MT1B: variants seen among roughly 807,000 people sequenced by gnomAD.
MT1B encodes metallothionein 1B, also known as metallothionein-1B.
A neutral mutation model predicts 7.9 loss-of-function variants in MT1B; 4 were observed. The observed-to-expected ratio is 0.51, with a 90% CI of 0.25 to 1.16. The LOEUF is 1.16. Ranked by LOEUF, MT1B falls within the 50% of genes most tolerant of loss-of-function variation. The pLI, the probability that MT1B is intolerant of heterozygous loss-of-function variation, is 0.15. For synonymous variants in MT1B, 22 were observed against 27.6 expected, an observed-to-expected ratio of 0.80 and a Z score of 0.63; for missense variants, 76 against 75.2, an observed-to-expected ratio of 1.01 and a Z score of -0.04.
chr16:56,652,711 G>T, intron 2 of MT1B, 75 bp downstream of exon 2: 1 of 1,560,270 alleles, frequency 6.4e-7, no homozygotes, highest in Non-Finnish European at 8.8e-7. Context: ...GGCCCTGAGT[G>T]CATGCTTTTG....
chr16:56,652,249 C>G (rs1960563112), intron 1 of MT1B, among the ~76,000 whole-genome samples: 1 of 152,234 alleles, frequency 6.6e-6, no homozygotes, highest in Non-Finnish European at 1.5e-5. Context: ...GTGCTCTGCT[C>G]TAACTCTGAG....
rs760953860 is a variant in MT1B, at chr16:56,653,034, G to T, written c.155G>T (p.Gly52Val). The T allele has an allele frequency of 2.8e-5, 45 of 1,613,880 alleles. No homozygotes were observed. In the East Asian group the frequency reaches 9.1e-4, roughly 33 times the overall value. ...TGTGCCCAGGGCTGTGTCTGCAAAG[G>T]CTCATCAGAGAAGTGCCGCTGCTGT... ...AKCAQGCVCK[G>V]SSEKCRCCA The change falls in exon 3 of 3, where the codon GGC becomes GTC. Residue 52 changes from glycine (G) to valine (V), a missense_variant. Physicochemically the swap from Gly to Val is moderately radical, Grantham distance 109 (BLOSUM62 -3). Transcript: ENST00000334346.
chr16:56,653,012 G>C lies in MT1B; in HGVS notation c.133G>C (p.Ala45Pro), dbSNP rs1960575144. ...SCCPVGCAKCAQGCVCKGSSE... is the reference protein window; with the variant it reads ...SCCPVGCAKCPQGCVCKGSSE... ...CTGCCCCGTGGGCTGTGCCAAGTGTGCCCAGGGCTGTGTCTGCAAAGGCTC... is the reference window on the plus strand; with the variant it reads ...CTGCCCCGTGGGCTGTGCCAAGTGTCCCCAGGGCTGTGTCTGCAAAGGCTC... The change falls in exon 3 of 3, where the codon GCC becomes CCC. Residue 45 changes from alanine to proline, a missense_variant. By Grantham distance (27) the Ala-to-Pro change is conservative. Coordinates refer to ENST00000334346, the MANE Select transcript of MT1B (RefSeq NM_005947.3). 6.2e-7 allele frequency: 1 copy of C among 1,613,628 alleles called. No individual in the cohort carries two copies. The highest frequency in any genetic ancestry group is 8.5e-7 in the Non-Finnish European group (1 of 1,179,978).
chr16:56,652,713 A>G, intron 2 of MT1B, 77 bp downstream of exon 2: 1 of 1,555,464 alleles, frequency 6.4e-7, no homozygotes, highest in Non-Finnish European at 8.9e-7. Flanking sequence ...CCCTGAGTGC[A>G]TGCTTTTGGG....
At position 56,652,761 on chromosome 16, in the gene MT1B, C is replaced by T. The variant is rs569120648; in HGVS notation, c.94+125C>T. On this transcript the variant is annotated intron_variant, in intron 2 of 2. Coordinates refer to ENST00000334346, the MANE Select transcript of MT1B (RefSeq NM_005947.3). The stretch of plus-strand genomic sequence containing the variant: ...TTTGCCCCTGTTGGCTGTGTCATTC[C>T]CTCTCCAGGCTTTCTGCTCTGAGCT... 54 of 1,304,906 alleles carry T rather than the reference C, an allele frequency of 4.1e-5. No individual in the cohort carries two copies. In the African/African-American group the frequency reaches 6.8e-4, roughly 16 times the overall value. 80.8% of individuals were successfully genotyped at this position (1,304,906 alleles called of 1,614,324 possible).
intron 2 of MT1B, 52 bp from the exon 3 acceptor site, chr16:56,652,922 G>C: frequency 6.3e-7 from 1 of 1,586,406 alleles, no homozygotes; most frequent in Non-Finnish European, 8.6e-7. Context: ...TTGGGACAGA[G>C]AGGTTCCTGG....
Position 56,651,960 on chromosome 16 carries a change from C to T in MT1B, c.7C>T (p.Pro3Ser), listed in dbSNP as rs1484885839. 2 of 1,614,248 alleles carry T rather than the reference C, an allele frequency of 1.2e-6. No homozygotes were observed. ...AGGCTTGTCTTGGCTCCAAATGGAT[C>T]CCAACTGCTCCTGCACCACAGGTAA... is the stretch of plus-strand genomic sequence containing the variant. MD[P>S]NCSCTTGGSC... The change falls in exon 1 of 3, where the codon CCC becomes TCC. Residue 3 changes from proline to serine, a missense_variant. Transcript: ENST00000334346.
At chr16:56,652,679 G>A (rs768896498) in intron 2 of MT1B, 43 bp downstream of exon 2, 1 of 1,609,778 alleles carries the variant, frequency 6.2e-7, no homozygotes, top group Admixed American at 1.7e-5. Flanking sequence ...CTGTGGCTAA[G>A]CTTGGAAGGG....
At position 56,653,107 on chromosome 16, in the gene MT1B, G is replaced by A; in HGVS notation, c.*42G>A. On this transcript the variant is annotated 3_prime_UTR_variant, in exon 3 of 3. Transcript: ENST00000334346. ...CTCCCAGACATAAATAGAGCAACCAGTACTAACCTGGATTTTTTTTTTTAA... is the reference window on the plus strand; with the variant it reads ...CTCCCAGACATAAATAGAGCAACCAATACTAACCTGGATTTTTTTTTTTAA... The A allele has an allele frequency of 6.3e-7, 1 of 1,590,806 alleles. No individual in the cohort carries two copies. The highest frequency in any genetic ancestry group is 8.6e-7 in the Non-Finnish European group (1 of 1,167,412).
In MT1B at chr16:56,652,578, C is replaced by G. The variant is rs1960567850; in HGVS notation, c.36C>G (p.Ser12=). 6.2e-7 allele frequency: 1 copy of G among 1,613,968 alleles called. No homozygotes were observed. Among genetic ancestry groups the G allele is most frequent in the African/African-American group, 1.3e-5 (1 of 75,040 alleles). The change falls in exon 2 of 3, where the codon TCC becomes TCG. Residue 12 remains serine (S), a synonymous_variant. Transcript: ENST00000334346. The part of the protein sequence containing the change: ...DPNCSCTTGG[S]CACAGSCKCK... ...TTTTTCGCTTCCTTGCAGGTGGCTC[C>G]TGTGCCTGCGCCGGCTCCTGCAAGT...
intron 1 of MT1B, 126 bp downstream of exon 1, chr16:56,652,107 C>A: frequency 8.3e-7 from 1 of 1,205,938 alleles, no homozygotes; most frequent in South Asian, 1.3e-5. Context: ...TTTGCCAGTG[C>A]TTTCCTCTTG....
intron 2 of MT1B, 46 bp from the exon 3 acceptor site, chr16:56,652,928 C>T: frequency 6.3e-7 from 1 of 1,595,690 alleles, no homozygotes; most frequent in Non-Finnish European, 8.6e-7. Context: ...CAGAGAGGTT[C>T]CTGGTCAAGT....
rs1395383339 is a variant in MT1B at position 56,653,193 on chromosome 16, C to A, written c.*128C>A. On this transcript the variant is annotated 3_prime_UTR_variant, in exon 3 of 3. Coordinates refer to ENST00000334346, the MANE Select transcript of MT1B (RefSeq NM_005947.3). Reference sequence around the variant, plus strand: ...TCAATATGTGAAAGACAATAAAACACTTTTGACTTGATTCTGACTCTCCTT... The same window carrying A: ...TCAATATGTGAAAGACAATAAAACAATTTTGACTTGATTCTGACTCTCCTT... The A allele has an allele frequency of 4.8e-6, 4 of 833,410 alleles. No individual in the cohort carries two copies. Among genetic ancestry groups the A allele is most frequent in the Non-Finnish European group, 5.6e-6 (3 of 539,420 alleles). 51.6% of individuals were successfully genotyped at this position (833,410 alleles called of 1,614,324 possible).
rs558030452 is a variant in MT1B at position 56,652,278 on chromosome 16, G to A, written c.29-293G>A. On this transcript the variant is annotated intron_variant, in intron 1 of 2. Transcript: ENST00000334346. The stretch of plus-strand genomic sequence containing the variant: ...CTCTGAGCAGCCGGGAAGGGTGAGA[G>A]GTGGGGGACATAGCCTCTTCAGAGT... Among the ~76,000 whole-genome samples the A allele has an allele frequency of 3.4e-3, 525 of 152,336 alleles. 6 individuals are homozygous for A. Among genetic ancestry groups the A allele is most frequent in the Middle Eastern group, 0.017 (5 of 294 alleles).
In MT1B at chr16:56,653,098, G is replaced by A. The variant is rs115278874; in HGVS notation, c.*33G>A. 3.3e-4 allele frequency: 532 copies of A among 1,609,582 alleles called. No individual in the cohort carries two copies. The African/African-American group carries it at 6.6e-3, about 20-fold the overall frequency. On this transcript the variant is annotated 3_prime_UTR_variant, in exon 3 of 3. Transcript: ENST00000334346. ...AGAGCCCTGCTCCCAGACATAAATA[G>A]AGCAACCAGTACTAACCTGGATTTT...
chr16:56,652,909 C>A, intron 2 of MT1B, 65 bp from the exon 3 acceptor site: 1 of 1,552,728 alleles, frequency 6.4e-7, no homozygotes, highest in East Asian at 2.2e-5. Flanking sequence ...GCCAGGCTTG[C>A]TGTTGGGACA....
At chr16:56,652,858 A>G (rs145708576) in intron 2 of MT1B, 116 bp from the exon 3 acceptor site, 4 of 1,294,646 alleles carry the variant, frequency 3.1e-6, no homozygotes, top group Non-Finnish European at 4.5e-6. Context: ...CAGCTGTGCC[A>G]GCCTAAAAAT....
chr16:56,652,909 C>T, intron 2 of MT1B, 65 bp from the exon 3 acceptor site: 1 of 1,552,728 alleles, frequency 6.4e-7, no homozygotes, highest in Non-Finnish European at 8.9e-7. Context: ...GCCAGGCTTG[C>T]TGTTGGGACA....
Position 56,652,960 on chromosome 16 carries a change from C to T in MT1B, c.95-14C>T. 1.2e-6 allele frequency: 2 copies of T among 1,612,512 alleles called. No individual in the cohort carries two copies. The highest frequency in any genetic ancestry group is 1.7e-6 in the Non-Finnish European group (2 of 1,179,728). On this transcript the variant is annotated splice_polypyrimidine_tract_variant and intron_variant, in intron 2 of 2. Transcript: ENST00000334346. The stretch of plus-strand genomic sequence containing the variant: ...AAGTCAGCTGTGACCTCTCACTCTC[C>T]CCTTCTTCCCCAGGCTGCTGCTCTT...
Sources: allele counts gnomAD v4.1 joint callset (sites outside exome capture counted in the v4.1 genomes callset), GRCh38; gene constraint gnomAD v4.1.1; transcripts MANE v1.5; gene names NCBI Gene and HGNC (gene_info 2026-07-23, HGNC 2026-07-21).